BCL9: variants seen among roughly 807,000 people sequenced by gnomAD.
The protein encoded by BCL9 is B-cell CLL/lymphoma 9 protein.
In BCL9, 25 loss-of-function variants were observed where a neutral mutation model predicts 88.5. The observed-to-expected ratio is 0.28, with a 90% CI of 0.21 to 0.39. The LOEUF (loss-of-function observed/expected upper bound fraction) is 0.39, where lower values mean the gene tolerates loss of function less well. Ranked by LOEUF, BCL9 falls within the 10% of genes least tolerant of loss-of-function variation. BCL9 has a pLI of 1.00. For synonymous variants in BCL9, 711 were observed against 673.3 expected (o/e 1.06, Z -0.87); for missense variants, 1,817 against 1,877.8 (o/e 0.97, Z 0.60).
intron 1 of BCL9, among the ~76,000 whole-genome samples, chr1:147,575,214 A>G (rs749220492): frequency 1.3e-5 from 2 of 152,138 alleles, no homozygotes; most frequent in Admixed American, 6.5e-5. Context: ...GCTTCACCCA[A>G]CTAAGTCTGT....
Position 147,615,785 on chromosome 1 carries a change from T to A in BCL9, c.561-18T>A. ...TAGAAACAAGTTCTAGTGTGTGCTG[T>A]CTCTTCCATCTTTGCAGAGCTGCAG... is the stretch of plus-strand genomic sequence containing the variant. On this transcript the variant is annotated intron_variant, in intron 6 of 9. Transcript: ENST00000234739. The A allele has an allele frequency of 6.2e-7, 1 of 1,603,192 alleles. No homozygotes were observed.
chr1:147,568,295 A>T (rs2132440), intron 1 of BCL9, among the ~76,000 whole-genome samples: 70,846 of 151,978 alleles, frequency 0.47, 19,938 homozygotes, highest in African/African-American at 0.81. Context: ...TAACAGCAAA[A>T]TCTTCCTAAT....
At chr1:147,597,927 A>G (rs1336325957) in intron 1 of BCL9, among the ~76,000 whole-genome samples, 1 of 152,224 alleles carries the variant, frequency 6.6e-6, no homozygotes, top group Non-Finnish European at 1.5e-5. Flanking sequence ...GCTTAGTAAA[A>G]TGGCTAAGAC....
At chr1:147,565,319 A>T in intron 1 of BCL9, among the ~76,000 whole-genome samples, 1 of 152,188 alleles carries the variant, frequency 6.6e-6, no homozygotes, top group Non-Finnish European at 1.5e-5. Flanking sequence ...GATTCCCACT[A>T]CTGATTCCAC....
chr1:147,590,564 G>A (rs1023473347), intron 1 of BCL9, among the ~76,000 whole-genome samples: 2 of 151,820 alleles, frequency 1.3e-5, no homozygotes, highest in African/African-American at 2.4e-5. Flanking sequence ...AAGAGCATGC[G>A]TGGATATGGA....
At chr1:147,599,148 G>A (rs948032090) in intron 1 of BCL9, among the ~76,000 whole-genome samples, 14 of 152,240 alleles carry the variant, frequency 9.2e-5, no homozygotes, top group African/African-American at 3.4e-4. Context: ...GCTGGGCTGG[G>A]CCGGATGTGA....
Position 147,624,599 on chromosome 1 carries a change from T to C in BCL9, c.3921T>C (p.Ala1307=), listed in dbSNP as rs782718321. 1.5e-5 allele frequency: 24 copies of C among 1,613,906 alleles called. No homozygotes were observed. The highest frequency in any genetic ancestry group is 1.4e-5 in the Non-Finnish European group (16 of 1,180,004). The stretch of plus-strand genomic sequence containing the variant: ...CTCCGGACATCCCTCTTGGTACAGC[T>C]CCATCCATGCCAGGCCACAACCCCA... ...VGTPDIPLGT[A]PSMPGHNPMR... Residue 1307 remains alanine (A), a synonymous_variant, in exon 10 of 10, where the codon GCT becomes GCC. Coordinates refer to ENST00000234739, the MANE Select transcript of BCL9 (RefSeq NM_004326.4). This position sits in a 1 kb window ranked among gnomAD's most constrained non-coding sequence, Gnocchi z 4.4.
rs1553205047 is a variant in BCL9 at position 147,620,463 on chromosome 1, G to A, written c.2308G>A (p.Gly770Ser). The stretch of plus-strand genomic sequence containing the variant: ...GCAGAAGATGGTGCCACTGCCATTT[G>A]GTGAGCACCCCCAGCAGGAGTATGG... ...AQQKMVPLPFGEHPQQEYGMG... is the reference protein window; with the variant it reads ...AQQKMVPLPFSEHPQQEYGMG... Residue 770 changes from glycine (G) to serine (S), a missense_variant, in exon 8 of 10, where the codon GGT (glycine) becomes AGT (serine). Physicochemically the swap from Gly to Ser is moderately conservative, Grantham distance 56 (BLOSUM62 0). This residue lies in a region of BCL9 where 1,228 missense variants were observed against 1,191.6 expected (regional missense o/e 1.03). Transcript: ENST00000234739. 5 of 1,614,104 alleles carry A rather than the reference G, an allele frequency of 3.1e-6. No individual in the cohort carries two copies. Among genetic ancestry groups the A allele is most frequent in the Non-Finnish European group, 4.2e-6 (5 of 1,179,998 alleles).
At chr1:147,601,137 C>G (rs1418452309) in intron 1 of BCL9, among the ~76,000 whole-genome samples, 6 of 152,018 alleles carry the variant, frequency 3.9e-5, no homozygotes, top group African/African-American at 1.4e-4. Flanking sequence ...AATCTGTCCT[C>G]CAAGAGGTCT....
At position 147,623,885 on chromosome 1, in the gene BCL9, C is replaced by T. The variant is rs587706132; in HGVS notation, c.3207C>T (p.Asn1069=). ...NTQNPRISGP[N]PVVPMPTLSP... ...AGAATCCTCGAATTTCAGGTCCAAA[C>T]CCCGTGGTTCCGATGCCAACCCTCA... Residue 1069 remains asparagine, a synonymous_variant, in exon 10 of 10, where the codon AAC becomes AAT. Transcript: ENST00000234739. 2.5e-6 allele frequency: 4 copies of T among 1,614,150 alleles called. No individual in the cohort carries two copies. Among genetic ancestry groups the T allele is most frequent in the Admixed American group, 3.3e-5 (2 of 60,030 alleles).
intron 1 of BCL9, among the ~76,000 whole-genome samples, chr1:147,599,665 G>C (rs1420085127): frequency 6.6e-6 from 1 of 152,198 alleles, no homozygotes; most frequent in African/African-American, 2.4e-5. Context: ...CTTTAAGGGG[G>C]GAGTGGGCGT....
intron 1 of BCL9, among the ~76,000 whole-genome samples, chr1:147,572,512 G>A (rs1344146043): frequency 6.6e-6 from 1 of 152,220 alleles, no homozygotes; most frequent in Admixed American, 6.5e-5. Context: ...CTGACCATAG[G>A]TGACCAGCCA....
chr1:147,568,979 A>G lies in BCL9; in HGVS notation c.-478+27305A>G, dbSNP rs189743228. ...TAAATGTTTTCCCTTCAGGGAGCAC[A>G]CTGTGTAGAGTAGTGATGAATAAGC... On this transcript the variant is annotated intron_variant, in intron 1 of 9. Coordinates refer to ENST00000234739, the MANE Select transcript of BCL9 (RefSeq NM_004326.4). Among the ~76,000 whole-genome samples the G allele has an allele frequency of 1.8e-4, 28 of 152,204 alleles. No individual in the cohort carries two copies. The East Asian group carries it at 5.4e-3, about 30-fold the overall frequency.
chr1:147,567,343 G>A (rs782438086), intron 1 of BCL9, among the ~76,000 whole-genome samples: 1 of 152,132 alleles, frequency 6.6e-6, no homozygotes, highest in African/African-American at 2.4e-5. Context: ...GGAGATTATT[G>A]ATACTATTGC....
chr1:147,565,946 C>T (rs1553196634), intron 1 of BCL9, among the ~76,000 whole-genome samples: 1 of 152,146 alleles, frequency 6.6e-6, no homozygotes, highest in Admixed American at 6.5e-5. Context: ...ATAACCAACA[C>T]AATACTTGCA....
chr1:147,566,540 A>C (rs1655604269), intron 1 of BCL9, among the ~76,000 whole-genome samples: 1 of 151,720 alleles, frequency 6.6e-6, no homozygotes, highest in Non-Finnish European at 1.5e-5. Context: ...GCGGATCACG[A>C]GGTCCGGAGA....
At chr1:147,543,513 C>T (rs1253487747) in intron 1 of BCL9, among the ~76,000 whole-genome samples, 2 of 152,156 alleles carry the variant, frequency 1.3e-5, no homozygotes, top group African/African-American at 4.8e-5. Context: ...GCAAGAAGGT[C>T]CCCCTACATT....
At chr1:147,587,643 A>G (rs987714955) in intron 1 of BCL9, among the ~76,000 whole-genome samples, 1 of 152,184 alleles carries the variant, frequency 6.6e-6, no homozygotes, top group Non-Finnish European at 1.5e-5. Flanking sequence ...GGGGTTAACT[A>G]ATAACACTCA....
intron 1 of BCL9, among the ~76,000 whole-genome samples, chr1:147,589,330 A>G (rs1027943698): frequency 1.3e-5 from 2 of 152,240 alleles, no homozygotes; most frequent in Non-Finnish European, 1.5e-5. Context: ...TTTCCAAAAC[A>G]CAGCTTTATT....
Sources: allele counts gnomAD v4.1 joint callset (sites outside exome capture counted in the v4.1 genomes callset), GRCh38; gene constraint gnomAD v4.1.1; regional missense constraint gnomAD v4.1.1; non-coding constraint Gnocchi (gnomAD v3.1); transcripts MANE v1.5; gene names NCBI Gene and HGNC (gene_info 2026-07-23, HGNC 2026-07-21).